BAX: variants seen among roughly 807,000 people sequenced by gnomAD.
BAX encodes the protein BCL2 associated X, apoptosis regulator.
BAX carries 21 observed loss-of-function variants against 26.8 expected under a neutral mutation model. The observed-to-expected ratio is 0.78, with a 90% CI of 0.56 to 1.13. BAX has a LOEUF of 1.13. Among genes scored for constraint, BAX ranks in the 50% most tolerant of loss-of-function variants. The pLI, the probability that BAX is intolerant of heterozygous loss-of-function variation, is 0.00. For synonymous variants in BAX, 110 were observed against 101.8 expected, an observed-to-expected ratio of 1.08 and a Z score of -0.49; for missense variants, 236 against 254.6, an observed-to-expected ratio of 0.93 and a Z score of 0.50.
chr19:48,956,167 T>TC, intron 3 of BAX, 31 bp from the exon 4 acceptor site: 1 of 1,484,192 alleles, frequency 6.7e-7, no homozygotes. Context: ...TGATGCCTGC[T>TC]CCCCGGCACT....
In BAX at chr19:48,955,604, G is replaced by T; in HGVS notation, c.86+5G>T. ...AGGGGCCCTTTTGCTTCAGGGGTGA[G>T]TTTGAGGTCTGATTATTGTGGCACA... On this transcript the variant is annotated splice_donor_5th_base_variant and intron_variant, in intron 2 of 5. Coordinates refer to ENST00000345358, the MANE Select transcript of BAX (RefSeq NM_138761.4). The T allele has an allele frequency of 6.2e-7, 1 of 1,613,792 alleles. No homozygotes were observed. The highest frequency in any genetic ancestry group is 8.5e-7 in the Non-Finnish European group (1 of 1,179,864).
intron 4 of BAX, among the ~76,000 whole-genome samples, chr19:48,957,475 A>T (rs1380133376): frequency 2.6e-5 from 4 of 151,004 alleles, no homozygotes; most frequent in Non-Finnish European, 5.9e-5. Flanking sequence ...GAGTTTCGCC[A>T]TGTTGGCCAG....
At chr19:48,956,026 C>A in intron 3 of BAX, 172 bp from the exon 4 acceptor site, 1 of 1,147,546 alleles carries the variant, frequency 8.7e-7, no homozygotes, top group Non-Finnish European at 1.2e-6. Flanking sequence ...TTTTTCCCAC[C>A]TTCCTAAATG....
intron 2 of BAX, 39 bp downstream of exon 2, chr19:48,955,638 G>A (rs1373060889): frequency 6.2e-7 from 1 of 1,613,072 alleles, no homozygotes; most frequent in Non-Finnish European, 8.5e-7. Context: ...CAGATTTGAG[G>A]AGTGACACCC....
chr19:48,959,349 C>CAAAAAAA, intron 4 of BAX, among the ~76,000 whole-genome samples: 3 of 73,034 alleles, frequency 4.1e-5, no homozygotes, highest in Non-Finnish European at 5.0e-5. Context: ...GACTCCGTCT[C>CAAAAAAA]AAAAAAAAAA....
chr19:48,960,664 T>C, intron 4 of BAX, 146 bp from the exon 5 acceptor site: 1 of 741,340 alleles, frequency 1.3e-6, no homozygotes, highest in Non-Finnish European at 2.2e-6. Flanking sequence ...CACCTGGCCA[T>C]GTTTACAATT....
intron 4 of BAX, chr19:48,960,184 TTTTA>T: frequency 4.7e-6 from 2 of 421,428 alleles, no homozygotes; most frequent in South Asian, 3.3e-5. Context: ...TTGTTTACAA[TTTTA>T]TTTTTTTTAT....
chr19:48,960,712 T>C, intron 4 of BAX, 98 bp from the exon 5 acceptor site: 1 of 1,095,456 alleles, frequency 9.1e-7, no homozygotes, highest in South Asian at 1.5e-5. Flanking sequence ...CAGAAATCTT[T>C]GAGGGGAGGC....
intron 4 of BAX, among the ~76,000 whole-genome samples, chr19:48,956,978 G>A: frequency 6.6e-6 from 1 of 150,878 alleles, no homozygotes; most frequent in East Asian, 2.0e-4. Flanking sequence ...AGCCAGGAAA[G>A]ACTTCTAAGG....
Position 48,956,233 on chromosome 19 carries a change from A to G in BAX, c.269A>G (p.Glu90Gly), listed in dbSNP as rs1400330041. 1.3e-6 allele frequency: 2 copies of G among 1,584,878 alleles called. No homozygotes were observed. Among genetic ancestry groups the G allele is most frequent in the African/African-American group, 1.4e-5 (1 of 72,904 alleles). Residue 90 changes from glutamate (E) to glycine (G), a missense_variant, in exon 4 of 6, where the codon GAG becomes GGG. Physicochemically the swap from Glu to Gly is moderately conservative, Grantham distance 98. Coordinates refer to ENST00000345358, the MANE Select transcript of BAX (RefSeq NM_138761.4). ...IAAVDTDSPR[E>G]VFFRVAADMF... is the part of the protein sequence containing the mutation. ...GCCGTGGACACAGACTCCCCCCGAG[A>G]GGTCTTTTTCCGAGTGGCAGCTGAC...
intron 4 of BAX, among the ~76,000 whole-genome samples, chr19:48,958,663 T>C (rs4645897): frequency 0.03 from 4,530 of 151,696 alleles, 150 homozygotes; most frequent in African/African-American, 0.082. Context: ...CTTGCCTCAG[T>C]CTCCCGAGTA....
In BAX at chr19:48,961,768, T is replaced by C; in HGVS notation, c.*132T>C. 1 of 824,754 alleles carries C rather than the reference T, an allele frequency of 1.2e-6. No individual in the cohort carries two copies. Among genetic ancestry groups the C allele is most frequent in the Non-Finnish European group, 1.9e-6 (1 of 530,182 alleles). The allele number at this position is 824,754 out of a possible 1,614,324, so 51.1% of individuals were successfully genotyped here. Reference sequence around the variant, plus strand: ...TGGGGGGTGTGGGGAAGAGTGGTCTTGAGGGGGTAATAAACCTCCTTCGGG... The same window carrying C: ...TGGGGGGTGTGGGGAAGAGTGGTCTCGAGGGGGTAATAAACCTCCTTCGGG... On this transcript the variant is annotated 3_prime_UTR_variant, in exon 6 of 6. Transcript: ENST00000345358.
intron 1 of BAX, 117 bp downstream of exon 1, chr19:48,955,079 G>C (rs1345845307): frequency 8.5e-7 from 1 of 1,179,596 alleles, no homozygotes; most frequent in Admixed American, 4.2e-5. Context: ...AGAAACTCCC[G>C]GATCGGGCGC....
rs769370752 is a variant in BAX at position 48,961,089 on chromosome 19, C to G, written c.474+175C>G. On this transcript the variant is annotated intron_variant, in intron 5 of 5. Coordinates refer to ENST00000345358, the MANE Select transcript of BAX (RefSeq NM_138761.4). ...TGTGGTCTATAATGCGTTTTCCTTACGTGTCTGATCAATCCCCGATTCATC... is the reference window on the plus strand; with the variant it reads ...TGTGGTCTATAATGCGTTTTCCTTAGGTGTCTGATCAATCCCCGATTCATC... 7 of 1,588,058 alleles carry G rather than the reference C, an allele frequency of 4.4e-6. No individual in the cohort carries two copies. The East Asian group carries it at 6.7e-5, about 15-fold the overall frequency.
intron 5 of BAX, 133 bp downstream of exon 5, chr19:48,961,047 A>G: frequency 6.2e-7 from 1 of 1,608,050 alleles, no homozygotes; most frequent in Non-Finnish European, 8.5e-7. Context: ...CCCTCTCCCC[A>G]TCTTCAGATC....
chr19:48,961,485 G>T, intron 5 of BAX, 47 bp from the exon 6 acceptor site: 1 of 1,504,080 alleles, frequency 6.6e-7, no homozygotes, highest in South Asian at 1.2e-5. Context: ...CTGCCCAGGG[G>T]CTGCCCCTGG....
chr19:48,955,777 G>C lies in BAX; in HGVS notation c.177G>C (p.Leu59=). The C allele has an allele frequency of 6.2e-7, 1 of 1,613,312 alleles. No individual in the cohort carries two copies. Among genetic ancestry groups the C allele is most frequent in the South Asian group, 1.1e-5 (1 of 91,012 alleles). Residue 59 remains leucine, a synonymous_variant, in exon 3 of 6, where the codon CTG becomes CTC. Transcript: ENST00000345358. ...CTCAGGATGCGTCCACCAAGAAGCTGAGCGAGTGTCTCAAGCGCATCGGGG... is the reference window on the plus strand; with the variant it reads ...CTCAGGATGCGTCCACCAAGAAGCTCAGCGAGTGTCTCAAGCGCATCGGGG... The part of the protein sequence containing the change: ...PVPQDASTKK[L]SECLKRIGDE...
At chr19:48,956,819 C>CTTTTTTTTTT (rs56251427) in intron 4 of BAX, among the ~76,000 whole-genome samples, 27 of 87,372 alleles carry the variant, frequency 3.1e-4, no homozygotes, top group East Asian at 6.4e-4. Context: ...TTATCCCTGG[C>CTTTTTTTTTT]TTTTTTTTTT....
At chr19:48,959,447 A>AG (rs1168911710) in intron 4 of BAX, among the ~76,000 whole-genome samples, 1 of 149,156 alleles carries the variant, frequency 6.7e-6, no homozygotes, top group African/African-American at 2.5e-5. Flanking sequence ...AGGCCTGTTT[A>AG]GGCGGAAACA....
Sources: gnomAD v4.1 joint callset for allele counts (sites outside exome capture counted in the v4.1 genomes callset) on GRCh38, gnomAD v4.1.1 for gene constraint, MANE v1.5 for transcripts, NCBI Gene and HGNC (gene_info 2026-07-23, HGNC 2026-07-21) for gene names.